NALF1: variants seen among roughly 807,000 people sequenced by gnomAD.
NALF1 encodes the protein NALCN channel auxiliary factor 1.
A neutral mutation model predicts 48.4 loss-of-function variants in NALF1; 3 were observed. The ratio of observed to expected loss-of-function variants is 0.06; its 90% confidence interval spans 0.03 to 0.16. The LOEUF (loss-of-function observed/expected upper bound fraction) is 0.16. Among genes scored for constraint, NALF1 ranks in the 10% least tolerant of loss-of-function variants. The pLI, the probability that NALF1 is intolerant of heterozygous loss-of-function variation, is 1.00. For synonymous variants in NALF1, 262 were observed against 245.7 expected, an observed-to-expected ratio of 1.07 and a Z score of -0.62; for missense variants, 526 against 571.5, an observed-to-expected ratio of 0.92 and a Z score of 0.81.
At chr13:107,732,763 A>G (rs1033377863) in intron 1 of NALF1, among the ~76,000 whole-genome samples, 2 of 152,152 alleles carry the variant, frequency 1.3e-5, no homozygotes, top group African/African-American at 4.8e-5. Context: ...TATGATAGAT[A>G]AGCTTGCAGA....
intron 1 of NALF1, among the ~76,000 whole-genome samples, chr13:107,760,152 T>A (rs1363489518): frequency 6.6e-6 from 1 of 152,226 alleles, no homozygotes; most frequent in Non-Finnish European, 1.5e-5. Flanking sequence ...GGACATTTTG[T>A]GAAATATGTA....
At chr13:107,723,675 G>A (rs755313309) in intron 1 of NALF1, among the ~76,000 whole-genome samples, 5 of 152,178 alleles carry the variant, frequency 3.3e-5, no homozygotes, top group African/African-American at 9.7e-5. Context: ...AATAGGGCCC[G>A]ATAAACTTTC....
chr13:107,825,046 T>C (rs946277364), intron 1 of NALF1, among the ~76,000 whole-genome samples: 2 of 152,232 alleles, frequency 1.3e-5, no homozygotes, highest in Non-Finnish European at 2.9e-5. Flanking sequence ...AATAGTATTT[T>C]GGATATTTAG....
In NALF1 at chr13:107,819,543, T is replaced by C. The variant is rs547227629; in HGVS notation, c.915+46139A>G. ...TCTTCCACAAGTACAATTCCATTTA[T>C]GTTCCTTTACTACTTACAAATATTA... On this transcript the variant is annotated intron_variant, in intron 1 of 2. Transcript: ENST00000375915. Among the ~76,000 whole-genome samples the C allele has an allele frequency of 3.3e-5, 5 of 152,348 alleles. No homozygotes were observed. The South Asian group carries it at 1.0e-3, about 32-fold the overall frequency.
chr13:107,296,204 C>G (rs1158902705), intron 1 of NALF1, among the ~76,000 whole-genome samples: 1 of 152,164 alleles, frequency 6.6e-6, no homozygotes, highest in Non-Finnish European at 1.5e-5. Context: ...CTCTGCCAAA[C>G]ATACATTGCC....
intron 1 of NALF1, among the ~76,000 whole-genome samples, chr13:107,281,411 C>T (rs1881385168): frequency 6.6e-6 from 1 of 152,072 alleles, no homozygotes; most frequent in Non-Finnish European, 1.5e-5. Context: ...ATAATTTGAG[C>T]ATGAGGGGAA....
intron 1 of NALF1, among the ~76,000 whole-genome samples, chr13:107,406,008 A>T (rs1181932550): frequency 6.6e-6 from 1 of 151,988 alleles, no homozygotes; most frequent in East Asian, 1.9e-4. Context: ...TTCCAAAGCA[A>T]ACTTTTCCGT....
intron 1 of NALF1, among the ~76,000 whole-genome samples, chr13:107,309,319 C>T (rs781564013): frequency 2.6e-5 from 4 of 152,310 alleles, no homozygotes; most frequent in Admixed American, 2.6e-4. Context: ...TTCATCTCTT[C>T]TGATTTCTCT....
chr13:107,436,218 A>G (rs1426317854), intron 1 of NALF1, among the ~76,000 whole-genome samples: 2 of 152,228 alleles, frequency 1.3e-5, no homozygotes, highest in Non-Finnish European at 2.9e-5. Flanking sequence ...TTGCAGTTAC[A>G]ATTAATAGGT....
At chr13:107,715,609 C>G (rs1444004331) in intron 1 of NALF1, among the ~76,000 whole-genome samples, 1 of 152,128 alleles carries the variant, frequency 6.6e-6, no homozygotes, top group Non-Finnish European at 1.5e-5. Flanking sequence ...ATGTGATGAG[C>G]CGCCTGTGGT....
intron 2 of NALF1, among the ~76,000 whole-genome samples, chr13:107,179,153 A>G (rs1375008500): frequency 6.6e-6 from 1 of 151,988 alleles, no homozygotes; most frequent in South Asian, 2.1e-4. Context: ...AATGTGGTAC[A>G]TATACTTCAT....
intron 1 of NALF1, among the ~76,000 whole-genome samples, chr13:107,590,353 G>A (rs945333973): frequency 6.6e-6 from 1 of 152,008 alleles, no homozygotes; most frequent in East Asian, 1.9e-4. Flanking sequence ...TGCAATTTAC[G>A]ACCTTCAGGA....
At chr13:107,740,027 A>C (rs1876587355) in intron 1 of NALF1, among the ~76,000 whole-genome samples, 1 of 152,146 alleles carries the variant, frequency 6.6e-6, no homozygotes, top group Admixed American at 6.5e-5. Context: ...ATGGTGTAAT[A>C]ATAATAGAAA....
chr13:107,830,108 G>A (rs1001401784), intron 1 of NALF1, among the ~76,000 whole-genome samples: 2 of 152,036 alleles, frequency 1.3e-5, no homozygotes, highest in South Asian at 2.1e-4. Context: ...AGAACAATTC[G>A]GCCCAGCTGT....
intron 1 of NALF1, among the ~76,000 whole-genome samples, chr13:107,510,770 C>T (rs946710658): frequency 1.3e-5 from 2 of 152,150 alleles, no homozygotes; most frequent in African/African-American, 4.8e-5. Flanking sequence ...TCTGCATTCA[C>T]ACCTGAGCAC....
intron 1 of NALF1, among the ~76,000 whole-genome samples, chr13:107,760,298 G>T (rs1213552196): frequency 3.2e-5 from 4 of 126,928 alleles, no homozygotes; most frequent in Non-Finnish European, 6.5e-5. Flanking sequence ...ATGGATCAAA[G>T]AAGGAGAAGA....
chr13:107,574,924 T>C (rs1594137405), intron 1 of NALF1, among the ~76,000 whole-genome samples: 1 of 152,308 alleles, frequency 6.6e-6, no homozygotes, highest in East Asian at 1.9e-4. Context: ...TTAGAGATAG[T>C]AAAGTGACCA....
At chr13:107,416,013 CT>C (rs200025051) in intron 1 of NALF1, among the ~76,000 whole-genome samples, 35 of 139,896 alleles carry the variant, frequency 2.5e-4, no homozygotes, top group African/African-American at 2.6e-4. Flanking sequence ...ATTTTTTTTT[CT>C]TTTTTTTTTT....
intron 1 of NALF1, among the ~76,000 whole-genome samples, chr13:107,484,598 T>G (rs2139063849): frequency 6.6e-6 from 1 of 152,294 alleles, no homozygotes; most frequent in South Asian, 2.1e-4. Flanking sequence ...ACACATATTG[T>G]TGAACGAATG....
Sources: gnomAD v4.1 joint callset for allele counts (sites outside exome capture counted in the v4.1 genomes callset) on GRCh38, gnomAD v4.1.1 for gene constraint, MANE v1.5 for transcripts, NCBI Gene and HGNC (gene_info 2026-07-23, HGNC 2026-07-21) for gene names.